Variants in BBC3 observed in about 807,000 individuals in gnomAD.
BBC3 encodes the protein bcl-2-binding component 3.
In BBC3, 5 loss-of-function variants were observed where a neutral mutation model predicts 18.2. The ratio of observed to expected loss-of-function variants is 0.27; its 90% CI spans 0.14 to 0.58. The LOEUF is 0.58. Among genes scored for constraint, BBC3 ranks in the 20% least tolerant of loss-of-function variants. The pLI is 0.91. For missense variants in BBC3, 224 were observed against 268.9 expected (o/e 0.83, Z 1.17); for synonymous variants, 119 against 128.0 (o/e 0.93, Z 0.47).
chr19:47,228,393 G>C lies in BBC3; in HGVS notation c.39C>G (p.Pro13=). The C allele has an allele frequency of 1.6e-6, 2 of 1,231,734 alleles. No individual in the cohort carries two copies. The highest frequency in any genetic ancestry group is 2.0e-6 in the Non-Finnish European group (2 of 987,978). The allele number at this position is 1,231,734 out of a possible 1,614,324, so 76.3% of individuals were successfully genotyped here. Residue 13 remains proline, a synonymous_variant, in exon 2 of 4, where the codon CCC becomes CCG. Coordinates refer to ENST00000439096, the MANE Select transcript of BBC3 (RefSeq NM_014417.5). This position sits in a 1 kb window ranked among gnomAD's most constrained non-coding sequence, Gnocchi z 5.5. The part of the protein sequence containing the change: ...RARQEGSSPE[P]VEGLARDGPR... ...GGCCGTCGCGGGCCAGGCCCTCTACGGGCTCCGGGGAGCTGCCCTCCTGGC... is the reference window on the plus strand; with the variant it reads ...GGCCGTCGCGGGCCAGGCCCTCTACCGGCTCCGGGGAGCTGCCCTCCTGGC...
chr19:47,231,249 CCGCCCCGCCCCCGCCCGGCGGGTCCCA>C, upstream of BBC3: 2 of 963,582 alleles, frequency 2.1e-6, no homozygotes, highest in South Asian at 9.2e-5. The surrounding 1 kb of genome is among the most constrained non-coding windows in gnomAD (Gnocchi z 4.0). Flanking sequence ...CCGCCCCGCC[CCGCCCCGCCCCCGCCCGGCGGGTCCCA>C]CGCCCCGCCC....
intron 3 of BBC3, among the ~76,000 whole-genome samples, chr19:47,225,680 T>C (rs1298846739): frequency 6.6e-6 from 1 of 152,114 alleles, no homozygotes; most frequent in Admixed American, 6.5e-5. Flanking sequence ...TGGAAGCTCT[T>C]TTGCCCATAT....
rs961141609 is a variant in BBC3, at chr19:47,226,710, G to C, written c.319C>G (p.Pro107Ala). 22 of 1,453,138 alleles carry C rather than the reference G, an allele frequency of 1.5e-5. No homozygotes were observed. In the South Asian group the frequency reaches 2.8e-4, roughly 18 times the overall value. The allele number at this position is 1,453,138 out of a possible 1,614,324, so 90.0% of individuals were successfully genotyped here. A position where few individuals can be genotyped will look rare whatever the true frequency, so the allele number is the denominator to read the frequency against. Reference protein sequence around the residue: ...LSLAEQHLESPVPSAPGALAG... With the variant: ...LSLAEQHLESAVPSAPGALAG... ...AGAGCCCCCGGGGCGCTGGGCACGG[G>C]CGACTCCAGGTGCTGCTCCGCCAGC... Residue 107 changes from proline (P) to alanine (A), a missense_variant, in exon 3 of 4, where the codon CCC becomes GCC. Physicochemically the swap from Pro to Ala is conservative, Grantham distance 27 (BLOSUM62 -1). Coordinates refer to ENST00000439096, the MANE Select transcript of BBC3 (RefSeq NM_014417.5).
At chr19:47,226,535 C>T (rs1185185439) in intron 3 of BBC3, 29 bp downstream of exon 3, 6 of 1,496,292 alleles carry the variant, frequency 4.0e-6, no homozygotes, top group African/African-American at 1.5e-5. Flanking sequence ...GAAGTCCCAC[C>T]TGCCGTCTAC....
chr19:47,225,036 C>T (rs1429824023), intron 3 of BBC3, among the ~76,000 whole-genome samples: 3 of 152,156 alleles, frequency 2.0e-5, no homozygotes, highest in Admixed American at 1.3e-4. Context: ...CTCAGCCTCC[C>T]GAGTAGCTGA....
upstream of BBC3, chr19:47,232,639 T>G: frequency 6.6e-7 from 1 of 1,511,240 alleles, no homozygotes; most frequent in East Asian, 2.5e-5. Context: ...TCTTTTTCAG[T>G]TTCTCATTGT....
rs1423075392 is a variant in BBC3, at chr19:47,230,079, G to A, written c.-16+850C>T. Reference sequence around the variant, plus strand: ...CTACAACCTCCACACCCCAGCACACGCAGGCACCACAGACCCCCAGTATCA... The same window carrying A: ...CTACAACCTCCACACCCCAGCACACACAGGCACCACAGACCCCCAGTATCA... On this transcript the variant is annotated intron_variant, in intron 1 of 3. Coordinates refer to ENST00000439096, the MANE Select transcript of BBC3 (RefSeq NM_014417.5). The surrounding 1 kb of genome is among the most constrained non-coding windows in gnomAD (Gnocchi z 6.7). Among the ~76,000 whole-genome samples the A allele has an allele frequency of 1.3e-5, 2 of 151,432 alleles. No individual in the cohort carries two copies. Among genetic ancestry groups the A allele is most frequent in the East Asian group, 1.9e-4 (1 of 5,162 alleles).
At chr19:47,222,055 T>C in intron 3 of BBC3, 137 bp from the exon 4 acceptor site, 1 of 745,468 alleles carries the variant, frequency 1.3e-6, no homozygotes, top group Non-Finnish European at 2.1e-6. Context: ...TGGGCTAATG[T>C]CCATGTCTCG....
chr19:47,231,019 G>A lies in BBC3; in HGVS notation c.-106C>T. On this transcript the variant is annotated 5_prime_UTR_variant, in exon 1 of 4. Coordinates refer to ENST00000439096, the MANE Select transcript of BBC3 (RefSeq NM_014417.5). The surrounding 1 kb of genome is among the most constrained non-coding windows in gnomAD (Gnocchi z 4.0). ...CGCCCGCCGAGCGCCGCTCTCCGCG[G>A]CGGCTGCTGCTGTGGCTGTCGCTGC... 1 of 985,978 alleles carries A rather than the reference G, an allele frequency of 1.0e-6. No individual in the cohort carries two copies. The highest frequency in any genetic ancestry group is 1.7e-5 in the African/African-American group (1 of 57,340). 61.1% of individuals were successfully genotyped at this position (985,978 alleles called of 1,614,324 possible). A position where few individuals can be genotyped will look rare whatever the true frequency, so the allele number is the denominator to read the frequency against.
rs200523681 is a variant in BBC3, at chr19:47,221,852, G to T, written c.532C>A (p.Leu178Ile). 1.9e-6 allele frequency: 3 copies of T among 1,613,868 alleles called. No individual in the cohort carries two copies. The highest frequency in any genetic ancestry group is 2.5e-6 in the Non-Finnish European group (3 of 1,179,896). The change falls in exon 4 of 4, where the codon CTC (leucine) becomes ATC (isoleucine). Residue 178 changes from leucine (L) to isoleucine (I), a missense_variant. Leu to Ile is a conservative substitution (Grantham distance 5). Coordinates refer to ENST00000439096, the MANE Select transcript of BBC3 (RefSeq NM_014417.5). ...CTGTGGCCCCTGGGTAAGGGCAGGA[G>T]TCCCATGATGAGATTGTACAGGACC... ...WRVLYNLIMG[L>I]LPLPRGHRAP...
Position 47,231,180 on chromosome 19 carries a change from T to G in BBC3, c.-267A>C. The stretch of plus-strand genomic sequence containing the variant: ...CGCCGCCGCCAGGCGCCCGCTCGCA[T>G]GTGGCTCGCGCCGCGTCTCAGGCCG... On this transcript the variant is annotated 5_prime_UTR_variant, in exon 1 of 4. An upstream start codon of the reference 5' UTR is lost. Coordinates refer to ENST00000439096, the MANE Select transcript of BBC3 (RefSeq NM_014417.5). This position sits in a 1 kb window ranked among gnomAD's most constrained non-coding sequence, Gnocchi z 4.0. 1.0e-6 allele frequency: 1 copy of G among 983,876 alleles called. No individual in the cohort carries two copies. Among genetic ancestry groups the G allele is most frequent in the Non-Finnish European group, 1.2e-6 (1 of 829,336 alleles). The allele number at this position is 983,876 out of a possible 1,614,324, so 60.9% of individuals were successfully genotyped here. A position where few individuals can be genotyped will look rare whatever the true frequency, so the allele number is the denominator to read the frequency against.
intron 3 of BBC3, among the ~76,000 whole-genome samples, chr19:47,225,153 C>A (rs1182779639): frequency 6.6e-6 from 1 of 151,976 alleles, no homozygotes; most frequent in Non-Finnish European, 1.5e-5. Context: ...TCAGGTGATC[C>A]GCCCTCCTCA....
At position 47,228,180 on chromosome 19, in the gene BBC3, C is replaced by A; in HGVS notation, c.252G>T (p.Arg84=). The A allele has an allele frequency of 8.2e-7, 1 of 1,222,448 alleles. No homozygotes were observed. The highest frequency in any genetic ancestry group is 3.2e-5 in the East Asian group (1 of 31,040). The allele number at this position is 1,222,448 out of a possible 1,614,324, so 75.7% of individuals were successfully genotyped here. A position where few individuals can be genotyped will look rare whatever the true frequency, so the allele number is the denominator to read the frequency against. Residue 84 remains arginine, a synonymous_variant, in exon 2 of 4, where the codon CGG becomes CGT. Transcript: ENST00000439096. This position sits in a 1 kb window ranked among gnomAD's most constrained non-coding sequence, Gnocchi z 5.5. ...CACCGTCCGGGCGCGGGCCTCGGGG[C>A]CGGCTGCGGGGACCCCCAGGCCAGC... ...GSRWPGGPRS[R]PRGPRPDGPQ...
In BBC3 at chr19:47,226,573, G is replaced by C. The variant is rs1467397924; in HGVS notation, c.456C>G (p.Tyr152Ter). The change falls in exon 3 of 4, where the codon TAC (tyrosine) becomes TAG (stop). Residue 152 changes from tyrosine (Y) to a stop codon, truncating the protein, a stop_gained. Coordinates refer to ENST00000439096, the MANE Select transcript of BBC3 (RefSeq NM_014417.5). LOFTEE classifies it high-confidence loss of function. ...RRMADDLNAQ[Y>*]ERRRQEEQQR... ...CACCCCCAGCACTCACCCGCCGCTC[G>C]TACTGTGCGTTGAGGTCGTCCGCCA... The C allele has an allele frequency of 1.3e-6, 2 of 1,574,682 alleles. No individual in the cohort carries two copies. Among genetic ancestry groups the C allele is most frequent in the East Asian group, 2.5e-5 (1 of 40,672 alleles).
intron 3 of BBC3, among the ~76,000 whole-genome samples, chr19:47,225,442 G>T (rs2058803078): frequency 6.6e-6 from 1 of 151,522 alleles, no homozygotes; most frequent in Admixed American, 6.6e-5. Context: ...GTGCAGCCTC[G>T]ACTTCCTTGG....
In BBC3 at chr19:47,228,467, A is replaced by G. The variant is rs927787523; in HGVS notation, c.-15-21T>C. The G allele has an allele frequency of 4.9e-6, 6 of 1,231,130 alleles. No homozygotes were observed. The highest frequency in any genetic ancestry group is 1.6e-5 in the African/African-American group (1 of 64,258). The allele number at this position is 1,231,130 out of a possible 1,614,324, so 76.3% of individuals were successfully genotyped here. ...GGGGCCTGCGGGACACGGGAGGAGG[A>G]GCAGGTCAGCAGGGAAGTACCAGGG... On this transcript the variant is annotated intron_variant, in intron 1 of 3. Coordinates refer to ENST00000439096, the MANE Select transcript of BBC3 (RefSeq NM_014417.5). This position sits in a 1 kb window ranked among gnomAD's most constrained non-coding sequence, Gnocchi z 5.5.
Position 47,226,614 on chromosome 19 carries a change from C to G in BBC3, c.415G>C (p.Ala139Pro). The G allele has an allele frequency of 6.3e-7, 1 of 1,577,688 alleles. No individual in the cohort carries two copies. The highest frequency in any genetic ancestry group is 8.6e-7 in the Non-Finnish European group (1 of 1,164,278). Residue 139 changes from alanine (A) to proline (P), a missense_variant, in exon 3 of 4, where the codon GCC becomes CCC. Physicochemically the swap from Ala to Pro is conservative, Grantham distance 27. Coordinates refer to ENST00000439096, the MANE Select transcript of BBC3 (RefSeq NM_014417.5). Reference sequence around the variant, plus strand: ...TCGTCCGCCATCCGCCGCAGCTGGGCCCCGATCTCCCGGGCCCACTGTTCC... The same window carrying G: ...TCGTCCGCCATCCGCCGCAGCTGGGGCCCGATCTCCCGGGCCCACTGTTCC... ...EEEQWAREIG[A>P]QLRRMADDLN...
Position 47,228,243 on chromosome 19 carries a change from G to A in BBC3, c.189C>T (p.Thr63=), listed in dbSNP as rs908566680. 5.7e-6 allele frequency: 7 copies of A among 1,218,246 alleles called. No individual in the cohort carries two copies. In the African/African-American group the frequency reaches 1.1e-4, roughly 19 times the overall value. The allele number at this position is 1,218,246 out of a possible 1,614,324, so 75.5% of individuals were successfully genotyped here. A position where few individuals can be genotyped will look rare whatever the true frequency, so the allele number is the denominator to read the frequency against. The stretch of plus-strand genomic sequence containing the variant: ...GGGCGGCGGTGACGGCGGGTGGGGC[G>A]GTGGGGGCGCAGAGGTAGGCAGCGG... The part of the protein sequence containing the change: ...LLPAAYLCAP[T]APPAVTAALG... Residue 63 remains threonine, a synonymous_variant, in exon 2 of 4, where the codon ACC becomes ACT. Transcript: ENST00000439096. This position sits in a 1 kb window ranked among gnomAD's most constrained non-coding sequence, Gnocchi z 5.5.
chr19:47,226,374 C>G (rs1160410736), intron 3 of BBC3, among the ~76,000 whole-genome samples, 190 bp downstream of exon 3: 1 of 152,044 alleles, frequency 6.6e-6, no homozygotes, highest in East Asian at 1.9e-4. Flanking sequence ...CTATGCCAGC[C>G]GCGGCGCGGA....
Sources: allele counts gnomAD v4.1 joint callset (sites outside exome capture counted in the v4.1 genomes callset), GRCh38; gene constraint gnomAD v4.1.1; non-coding constraint Gnocchi (gnomAD v3.1); transcripts MANE v1.5; gene names NCBI Gene and HGNC (gene_info 2026-07-23, HGNC 2026-07-21).